Variants in FOXP2 observed in about 807,000 individuals in gnomAD.
FOXP2 encodes the protein forkhead box P2, also known as forkhead box protein P2.
FOXP2 carries 12 observed loss-of-function variants against 115.8 expected under a neutral mutation model. The observed-to-expected ratio is 0.10, with a 90% CI of 0.07 to 0.17. The LOEUF (loss-of-function observed/expected upper bound fraction) is 0.17, where lower values mean the gene tolerates loss of function less well. Ranked by LOEUF, FOXP2 falls within the 10% of genes least tolerant of loss-of-function variation. The pLI is 1.00. For missense variants in FOXP2, 629 were observed against 843.5 expected (o/e 0.75, Z 3.15); for synonymous variants, 328 against 297.7 (o/e 1.10, Z -1.05).
intron 1 of FOXP2, among the ~76,000 whole-genome samples, chr7:114,258,891 A>G (rs1048262928): frequency 5.9e-5 from 9 of 152,100 alleles, no homozygotes; most frequent in Non-Finnish European, 2.9e-5. Flanking sequence ...GGCAGAGAAA[A>G]CCTGGGTAAA....
At chr7:114,372,420 C>T (rs1026966585) in intron 2 of FOXP2, among the ~76,000 whole-genome samples, 4 of 151,970 alleles carry the variant, frequency 2.6e-5, no homozygotes, top group Non-Finnish European at 5.9e-5. Flanking sequence ...TAGGCTAGGA[C>T]AACATGAGTA....
At chr7:114,582,259 G>A (rs1801909890) in intron 3 of FOXP2, among the ~76,000 whole-genome samples, 1 of 152,152 alleles carries the variant, frequency 6.6e-6, no homozygotes, top group African/African-American at 2.4e-5. Flanking sequence ...TTAAAGATGA[G>A]CAAACTCATA....
At chr7:114,182,424 G>A (rs926124596) in intron 1 of FOXP2, among the ~76,000 whole-genome samples, 8 of 151,990 alleles carry the variant, frequency 5.3e-5, no homozygotes, top group Non-Finnish European at 8.8e-5. Flanking sequence ...TTAGAAGAAT[G>A]TAATATTCTA....
chr7:114,580,089 T>C (rs1801771234), intron 3 of FOXP2, among the ~76,000 whole-genome samples: 1 of 152,234 alleles, frequency 6.6e-6, no homozygotes, highest in Admixed American at 6.5e-5. Flanking sequence ...TTAAATATTC[T>C]GTAAGATTTT....
At chr7:114,458,573 G>T (rs1418136580) in intron 2 of FOXP2, among the ~76,000 whole-genome samples, 5 of 140,734 alleles carry the variant, frequency 3.6e-5, no homozygotes, top group Non-Finnish European at 6.1e-5. Flanking sequence ...TTTGAGACAG[G>T]ATCTCCCTCT....
intron 3 of FOXP2, among the ~76,000 whole-genome samples, chr7:114,587,882 T>TATA: frequency 1.6e-5 from 1 of 61,414 alleles, no homozygotes; most frequent in East Asian, 8.5e-4. Context: ...GATAATTAAA[T>TATA]CCACCTTTCT....
chr7:114,408,999 A>G (rs1793102941), intron 2 of FOXP2, among the ~76,000 whole-genome samples: 1 of 152,052 alleles, frequency 6.6e-6, no homozygotes, highest in South Asian at 2.1e-4. Flanking sequence ...AAAATAATAT[A>G]CTAAATGTAA....
intron 2 of FOXP2, among the ~76,000 whole-genome samples, chr7:114,506,479 C>T (rs1478814516): frequency 6.6e-6 from 1 of 151,488 alleles, no homozygotes. Flanking sequence ...AATGTTAATA[C>T]AGGAAAATTT....
At chr7:114,483,273 T>A (rs949822554) in intron 2 of FOXP2, among the ~76,000 whole-genome samples, 5 of 151,696 alleles carry the variant, frequency 3.3e-5, no homozygotes, top group Non-Finnish European at 5.9e-5. Context: ...CTTTATTTCC[T>A]TAGATCTGGA....
intron 1 of FOXP2, among the ~76,000 whole-genome samples, chr7:114,188,430 T>A (rs1183059600): frequency 6.6e-6 from 1 of 152,228 alleles, no homozygotes; most frequent in Non-Finnish European, 1.5e-5. Flanking sequence ...CCATGCCATA[T>A]GTGTGGTTTG....
intron 2 of FOXP2, among the ~76,000 whole-genome samples, chr7:114,396,866 G>T (rs73208648): frequency 0.13 from 20,224 of 152,038 alleles, 1,909 homozygotes; most frequent in Non-Finnish European, 0.21. Context: ...ATAACGATGT[G>T]AGGTAATGCA....
At chr7:114,686,411 G>C (rs1808367884) in intron 16 of FOXP2, among the ~76,000 whole-genome samples, 1 of 152,166 alleles carries the variant, frequency 6.6e-6, no homozygotes, top group African/African-American at 2.4e-5. Flanking sequence ...GACCTCAAGT[G>C]ATCCACCCAC....
At chr7:114,459,826 G>A (rs952385175) in intron 2 of FOXP2, among the ~76,000 whole-genome samples, 11 of 152,060 alleles carry the variant, frequency 7.2e-5, no homozygotes, top group African/African-American at 2.4e-4. Context: ...ATGTTGGTCC[G>A]GTTGATCTCG....
At chr7:114,475,500 G>C (rs1340289204) in intron 2 of FOXP2, among the ~76,000 whole-genome samples, 1 of 152,022 alleles carries the variant, frequency 6.6e-6, no homozygotes, top group Non-Finnish European at 1.5e-5. Context: ...TTCCATGACA[G>C]CCAGCAGATA....
At chr7:114,618,522 A>G (rs1040241330) in intron 3 of FOXP2, among the ~76,000 whole-genome samples, 1 of 152,202 alleles carries the variant, frequency 6.6e-6, no homozygotes, top group African/African-American at 2.4e-5. Context: ...GCTGGGATTT[A>G]ACAAGGACAT....
chr7:114,559,760 G>A (rs1453676262), intron 3 of FOXP2, among the ~76,000 whole-genome samples: 1 of 151,918 alleles, frequency 6.6e-6, no homozygotes, highest in Non-Finnish European at 1.5e-5. Context: ...GTGGTGGCCG[G>A]CGCCTGTAGT....
chr7:114,507,497 A>T (rs1465596261), intron 2 of FOXP2, among the ~76,000 whole-genome samples: 1 of 152,032 alleles, frequency 6.6e-6, no homozygotes, highest in Non-Finnish European at 1.5e-5. Context: ...TATCTCAAGG[A>T]TAATGAGATG....
At chr7:114,424,915 C>CT (rs572070204) in intron 1 of FOXP2, among the ~76,000 whole-genome samples, 6 of 147,832 alleles carry the variant, frequency 4.1e-5, no homozygotes, top group East Asian at 2.0e-4. Context: ...ATCAGTATGT[C>CT]TTTTTTTTTA....
chr7:114,132,381 C>T (rs918402412), intron 1 of FOXP2, among the ~76,000 whole-genome samples: 1 of 151,930 alleles, frequency 6.6e-6, no homozygotes, highest in African/African-American at 2.4e-5. Flanking sequence ...TCTCATGATT[C>T]TAGGCATTGA....
Sources: allele counts gnomAD v4.1 joint callset (sites outside exome capture counted in the v4.1 genomes callset), GRCh38; gene constraint gnomAD v4.1.1; transcripts MANE v1.5; gene names NCBI Gene and HGNC (gene_info 2026-07-23, HGNC 2026-07-21).